Variants in ADGRG2 observed in about 807,000 individuals in gnomAD.
The protein encoded by ADGRG2 is adhesion G protein-coupled receptor G2.
A neutral mutation model predicts 74.1 loss-of-function variants in ADGRG2; 26 were observed. The ratio of observed to expected loss-of-function variants is 0.35; its 90% confidence interval spans 0.26 to 0.49. ADGRG2 has a LOEUF of 0.49. ADGRG2 is among the 20% of genes least tolerant of loss of function. The pLI, the probability that ADGRG2 is intolerant of heterozygous loss-of-function variation, is 0.99. For missense variants in ADGRG2, 619 were observed against 763.1 expected, an observed-to-expected ratio of 0.81 and a Z score of 2.22; for synonymous variants, 296 against 295.2, an observed-to-expected ratio of 1.00 and a Z score of -0.03.
chrX:18,990,935 T>C lies in ADGRG2; in HGVS notation c.2983A>G (p.Asn995Asp), dbSNP rs1227541963. 5.8e-6 allele frequency: 7 copies of C among 1,206,801 alleles called. No individual in the cohort carries two copies. Among genetic ancestry groups the C allele is most frequent in the Non-Finnish European group, 7.9e-6 (7 of 891,045 alleles). The change falls in exon 29 of 29, where the codon AAT (asparagine) becomes GAT (aspartate). Residue 995 changes from asparagine (N) to aspartate (D), a missense_variant. This residue lies in a region of ADGRG2 where 106 missense variants were observed against 104.5 expected (regional missense o/e 1.01). Coordinates refer to ENST00000379869, the MANE Select transcript of ADGRG2 (RefSeq NM_001079858.3). ...CTGAGAGCCATACGGCCTTTCCCATTGCAGGAATCTTCCTTCTCGTTAAAC... is the reference window on the plus strand; with the variant it reads ...CTGAGAGCCATACGGCCTTTCCCATCGCAGGAATCTTCCTTCTCGTTAAAC... ...HMFNEKEDSCNGKGRMALRRT... is the reference protein window; with the variant it reads ...HMFNEKEDSCDGKGRMALRRT...
chrX:19,049,728 T>C (rs1407122508), intron 3 of ADGRG2, among the ~76,000 whole-genome samples: 1 of 110,481 alleles, frequency 9.1e-6, no homozygotes, highest in African/African-American at 3.3e-5. Flanking sequence ...AGCCAAAAGA[T>C]TGGACACCCC....
chrX:18,996,068 C>T lies in ADGRG2; in HGVS notation c.2699G>A (p.Arg900Gln), dbSNP rs139650895. Residue 900 changes from arginine (R) to glutamine (Q), a missense_variant, in exon 27 of 29, where the codon CGG becomes CAG. Arg to Gln is a conservative substitution (Grantham distance 43). This residue lies in a region of ADGRG2 where 106 missense variants were observed against 104.5 expected (regional missense o/e 1.01). Transcript: ENST00000379869. ...WRRYLCCGKL[R>Q]LAENSDWSKT... ...ATCTTTACCAGAATTTTCAGCCAGC[C>T]GTAACTTTCCACAACAAAGATACCG... is the stretch of plus-strand genomic sequence containing the variant. 246 of 1,148,348 alleles carry T rather than the reference C, an allele frequency of 2.1e-4. No individual in the cohort carries two copies. The highest frequency in any genetic ancestry group is 2.8e-4 in the Non-Finnish European group (235 of 840,925). The allele number at this position is 1,148,348 out of a possible 1,213,427, so 94.6% of individuals were successfully genotyped here. A position where few individuals can be genotyped will look rare whatever the true frequency, so the allele number is the denominator to read the frequency against.
At chrX:19,047,391 A>G (rs1465357040) in intron 3 of ADGRG2, among the ~76,000 whole-genome samples, 1 of 111,735 alleles carries the variant, frequency 8.9e-6, no homozygotes, top group Non-Finnish European at 1.9e-5. Flanking sequence ...ATGCAAGATC[A>G]TGTCTGGGTG....
intron 1 of ADGRG2, among the ~76,000 whole-genome samples, chrX:19,100,708 G>C (rs2062172813): frequency 8.8e-6 from 1 of 113,417 alleles, no homozygotes; most frequent in South Asian, 3.5e-4. Context: ...GCCTGCAAAA[G>C]TGCCTGGCAC....
At position 19,023,969 on chromosome X, in the gene ADGRG2, T is replaced by C. The variant is rs751034467; in HGVS notation, c.471-21A>G. The C allele has an allele frequency of 2.0e-5, 23 of 1,128,209 alleles. No homozygotes were observed. In the Middle Eastern group the frequency reaches 7.2e-4, roughly 35 times the overall value. The allele number at this position is 1,128,209 out of a possible 1,213,427, so 93.0% of individuals were successfully genotyped here. A position where few individuals can be genotyped will look rare whatever the true frequency, so the allele number is the denominator to read the frequency against. On this transcript the variant is annotated intron_variant, in intron 11 of 28. Transcript: ENST00000379869. ...AGCGTCTGTAATAAAATGAGAGAAA[T>C]TGACATTAAGGAGACCATTAGTGAT...
At chrX:19,055,402 G>T (rs1215438959) in intron 3 of ADGRG2, among the ~76,000 whole-genome samples, 2 of 112,368 alleles carry the variant, frequency 1.8e-5, no homozygotes, top group Non-Finnish European at 3.8e-5. Context: ...TAACTGTGCT[G>T]TCCAACATGG....
At chrX:19,116,139 C>T (rs2062509206) in intron 1 of ADGRG2, among the ~76,000 whole-genome samples, 1 of 108,101 alleles carries the variant, frequency 9.3e-6, no homozygotes. Context: ...CGCTTAAGCA[C>T]CGAAGGTTGA....
intron 15 of ADGRG2, among the ~76,000 whole-genome samples, chrX:19,015,675 T>C (rs2060453918): frequency 8.9e-6 from 1 of 111,951 alleles, no homozygotes; most frequent in South Asian, 3.7e-4. Flanking sequence ...GCCAAGATTG[T>C]ACCACTGCAC....
intron 22 of ADGRG2, 75 bp downstream of exon 22, chrX:19,005,927 G>A: frequency 1.7e-6 from 1 of 606,037 alleles, no homozygotes; most frequent in Non-Finnish European, 2.9e-6. Flanking sequence ...CCATCCATCA[G>A]ATTAGACATT....
At chrX:19,015,641 C>T (rs777217652) in intron 15 of ADGRG2, among the ~76,000 whole-genome samples, 58 of 112,154 alleles carry the variant, frequency 5.2e-4, no homozygotes, top group African/African-American at 1.8e-3. Flanking sequence ...ATCACTTGAA[C>T]CCGGGTAGCG....
At chrX:19,033,733 G>GCACTTCAC in intron 7 of ADGRG2, 79 bp from the exon 8 acceptor site, 1 of 477,879 alleles carries the variant, frequency 2.1e-6, no homozygotes, top group Non-Finnish European at 3.7e-6. Flanking sequence ...TATCATTTTA[G>GCACTTCAC]TGAAGTGCTA....
chrX:19,023,322 C>A, intron 13 of ADGRG2, 94 bp downstream of exon 13: 2 of 475,086 alleles, frequency 4.2e-6, no homozygotes, highest in East Asian at 3.9e-5. Context: ...TTTAGAGGAC[C>A]CCCTTTGCAT....
chrX:19,055,240 T>TTGTGTG (rs35438679), intron 3 of ADGRG2, among the ~76,000 whole-genome samples: 301 of 103,661 alleles, frequency 2.9e-3, no homozygotes, highest in African/African-American at 9.6e-3. Context: ...GCAAATCCCT[T>TTGTGTG]TGTGTGTGTG....
At chrX:19,047,066 A>G (rs1425953892) in intron 3 of ADGRG2, among the ~76,000 whole-genome samples, 1 of 112,013 alleles carries the variant, frequency 8.9e-6, no homozygotes, top group East Asian at 2.8e-4. Context: ...AAGACTCAAG[A>G]ATACTTCTTG....
intron 8 of ADGRG2, 26 bp downstream of exon 8, chrX:19,033,587 G>C (rs769772417): frequency 3.0e-6 from 2 of 674,138 alleles, no homozygotes; most frequent in African/African-American, 4.4e-5. Flanking sequence ...AAAAAGGAAA[G>C]TCTTGATATT....
intron 28 of ADGRG2, among the ~76,000 whole-genome samples, chrX:18,994,216 G>A (rs2059974203): frequency 1.8e-5 from 2 of 111,904 alleles, no homozygotes; most frequent in South Asian, 3.7e-4. Context: ...TTGGCTGGGC[G>A]CGGTGGCTCA....
intron 24 of ADGRG2, among the ~76,000 whole-genome samples, chrX:19,000,627 C>T (rs1343157586): frequency 9.0e-6 from 1 of 111,695 alleles, no homozygotes; most frequent in Non-Finnish European, 1.9e-5. Flanking sequence ...TGAATAACTG[C>T]AAGACCAGGG....
intron 3 of ADGRG2, among the ~76,000 whole-genome samples, chrX:19,063,790 G>A (rs1026187518): frequency 4.5e-5 from 5 of 112,093 alleles, no homozygotes; most frequent in Non-Finnish European, 7.5e-5. Flanking sequence ...TAATTCTTCC[G>A]AGGTCAGGGC....
chrX:19,021,332 G>A (rs1245066848), intron 13 of ADGRG2, 134 bp from the exon 14 acceptor site: 9 of 510,526 alleles, frequency 1.8e-5, no homozygotes, highest in Non-Finnish European at 3.2e-5. Context: ...ACCCCAATAA[G>A]CTTGTAAATA....
Sources: allele counts gnomAD v4.1 joint callset (sites outside exome capture counted in the v4.1 genomes callset), GRCh38; gene constraint gnomAD v4.1.1; regional missense constraint gnomAD v4.1.1; transcripts MANE v1.5; gene names NCBI Gene and HGNC (gene_info 2026-07-23, HGNC 2026-07-21).